The following ABCB11 variants were observed in gnomAD, a reference collection of about 807,000 sequenced individuals.
The protein encoded by ABCB11 is bile salt export pump.
A neutral mutation model predicts 148.0 loss-of-function variants in ABCB11; 95 were observed. That is an observed-to-expected ratio of 0.64 (90% CI 0.54 to 0.76). ABCB11 has a LOEUF of 0.76. ABCB11 is among the 30% of genes least tolerant of loss of function. The pLI is 0.00. For synonymous variants in ABCB11, 591 were observed against 555.4 expected (o/e 1.06, Z -0.90); for missense variants, 1,523 against 1,617.8 (o/e 0.94, Z 1.01).
chr2:168,942,644 T>G (rs1448377417), intron 21 of ABCB11, among the ~76,000 whole-genome samples: 3 of 151,890 alleles, frequency 2.0e-5, no homozygotes, highest in Non-Finnish European at 4.4e-5. Context: ...GGATAAGTGC[T>G]TGAGGGAATG....
chr2:168,969,922 G>T, intron 15 of ABCB11, 123 bp downstream of exon 15: 1 of 941,462 alleles, frequency 1.1e-6, no homozygotes, highest in Non-Finnish European at 1.7e-6. Flanking sequence ...AATCAGACTA[G>T]ATGCATGAAC....
intron 2 of ABCB11, 78 bp from the exon 3 acceptor site, chr2:169,016,877 T>C: frequency 9.0e-7 from 1 of 1,108,310 alleles, no homozygotes; most frequent in Non-Finnish European, 1.3e-6. Flanking sequence ...AGAAATTTGC[T>C]CTAGAAAAAT....
rs752992432 is a variant in ABCB11, at chr2:168,996,709, C to T, written c.403G>A (p.Glu135Lys). 3.3e-5 allele frequency: 51 copies of T among 1,557,346 alleles called. No individual in the cohort carries two copies. The highest frequency in any genetic ancestry group is 4.2e-5 in the Non-Finnish European group (48 of 1,148,100). ...CTGGCAAATTTGATCATTTCGCTCTCGATGTTCAGCAACCTTCAAAAGAGG... is the reference window on the plus strand; with the variant it reads ...CTGGCAAATTTGATCATTTCGCTCTTGATGTTCAGCAACCTTCAAAAGAGG... The part of the protein sequence containing the change: ...NGTRCGLLNI[E>K]SEMIKFASYY... Residue 135 changes from glutamate to lysine, a missense_variant, in exon 6 of 28, where the codon GAG becomes AAG. By Grantham distance (56) the Glu-to-Lys change is moderately conservative. Coordinates refer to ENST00000650372, the MANE Select transcript of ABCB11 (RefSeq NM_003742.4).
Position 168,944,857 on chromosome 2 carries a change from C to A in ABCB11, c.2448G>T (p.Gln816His). The change falls in exon 20 of 28, where the codon CAG becomes CAT. Residue 816 changes from glutamine (Q) to histidine (H), a missense_variant and splice_region_variant. Coordinates refer to ENST00000650372, the MANE Select transcript of ABCB11 (RefSeq NM_003742.4). ...CTTACTGAAAAATAACATTTCTTACCTGTAGAAATTGGGTGAAAAGAGATA... is the reference window on the plus strand; with the variant it reads ...CTTACTGAAAAATAACATTTCTTACATGTAGAAATTGGGTGAAAAGAGATA... The part of the protein sequence containing the change: ...GCVSLFTQFL[Q>H]GYAFAKSGEL... The A allele has an allele frequency of 6.3e-7, 1 of 1,593,100 alleles. No individual in the cohort carries two copies. The highest frequency in any genetic ancestry group is 2.3e-5 in the East Asian group (1 of 43,878).
chr2:168,939,671 T>C (rs1181070101), intron 21 of ABCB11, among the ~76,000 whole-genome samples: 1 of 151,950 alleles, frequency 6.6e-6, no homozygotes, highest in East Asian at 1.9e-4. Flanking sequence ...ATAAAATGAG[T>C]ATAAATATAA....
intron 8 of ABCB11, among the ~76,000 whole-genome samples, chr2:168,991,835 C>CTTT (rs72146229): frequency 1.6e-5 from 2 of 128,274 alleles, no homozygotes; most frequent in East Asian, 2.2e-4. Flanking sequence ...GAAAGTGAGG[C>CTTT]TTTTTTTTTT....
At chr2:168,952,271 G>A (rs895816042) in intron 19 of ABCB11, among the ~76,000 whole-genome samples, 1 of 151,466 alleles carries the variant, frequency 6.6e-6, no homozygotes, top group Non-Finnish European at 1.5e-5. Context: ...TCCCTCCTCT[G>A]ATTTCTAAAA....
chr2:168,996,687 G>A lies in ABCB11; in HGVS notation c.425C>T (p.Ala142Val), dbSNP rs868630930. 1 of 1,572,000 alleles carries A rather than the reference G, an allele frequency of 6.4e-7. No homozygotes were observed. The highest frequency in any genetic ancestry group is 1.8e-5 in the Admixed American group (1 of 56,130). ...LNIESEMIKF[A>V]SYYAGIAVAV... is the part of the protein sequence containing the mutation. Reference sequence around the variant, plus strand: ...GACAGCAATTCCAGCATAGTAACTGGCAAATTTGATCATTTCGCTCTCGAT... The same window carrying A: ...GACAGCAATTCCAGCATAGTAACTGACAAATTTGATCATTTCGCTCTCGAT... The change falls in exon 6 of 28, where the codon GCC (alanine) becomes GTC (valine). Residue 142 changes from alanine to valine, a missense_variant. Transcript: ENST00000650372.
At chr2:168,925,105 C>A (rs569226738) in intron 26 of ABCB11, among the ~76,000 whole-genome samples, 6 of 152,126 alleles carry the variant, frequency 3.9e-5, no homozygotes, top group Admixed American at 3.9e-4. Context: ...TATATGAGAT[C>A]CTCCTTGATT....
At chr2:168,918,942 A>G (rs180985629), downstream of ABCB11, among the ~76,000 whole-genome samples, 30 of 152,200 alleles carry the variant, frequency 2.0e-4, no homozygotes, top group Admixed American at 9.8e-4. Context: ...ATTTTTTTCA[A>G]TGAAAGATAT....
chr2:169,020,067 C>G (rs911238031), intron 1 of ABCB11, among the ~76,000 whole-genome samples: 1 of 151,992 alleles, frequency 6.6e-6, no homozygotes. Flanking sequence ...CCAAGTATAA[C>G]CTTTTATATT....
At chr2:169,015,195 T>A (rs548468626) in intron 3 of ABCB11, among the ~76,000 whole-genome samples, 1 of 152,020 alleles carries the variant, frequency 6.6e-6, no homozygotes, top group South Asian at 2.1e-4. Context: ...CTCACCATCA[T>A]CCTCAATTAT....
Position 168,964,988 on chromosome 2 carries a change from T to C in ABCB11, c.2076-680A>G, listed in dbSNP as rs144005256. Among the ~76,000 whole-genome samples the C allele has an allele frequency of 6.6e-3, 1,002 of 151,920 alleles. 14 individuals are homozygous for C. Among genetic ancestry groups the C allele is most frequent in the African/African-American group, 0.023 (940 of 41,496 alleles). Reference sequence around the variant, plus strand: ...TAACAGATTTCTCCTTCAAAAAATTTAAACCTTATAGAAGAGGCCTGTACC... The same window carrying C: ...TAACAGATTTCTCCTTCAAAAAATTCAAACCTTATAGAAGAGGCCTGTACC... On this transcript the variant is annotated intron_variant, in intron 17 of 27. Transcript: ENST00000650372.
intron 18 of ABCB11, among the ~76,000 whole-genome samples, chr2:168,961,437 T>G (rs1693072031): frequency 1.3e-5 from 2 of 151,740 alleles, no homozygotes; most frequent in Non-Finnish European, 3.0e-5. Flanking sequence ...GCCATTTTTA[T>G]GGGTCCCATC....
chr2:168,924,293 C>A (rs773019993), intron 27 of ABCB11, among the ~76,000 whole-genome samples: 25 of 152,322 alleles, frequency 1.6e-4, no homozygotes, highest in Middle Eastern at 3.4e-3. Flanking sequence ...GATATCACCT[C>A]TTTCTTTGTG....
intron 25 of ABCB11, 126 bp from the exon 26 acceptor site, chr2:168,927,488 T>A (rs778879384): frequency 2.6e-5 from 19 of 739,792 alleles, no homozygotes; most frequent in Non-Finnish European, 4.0e-5. Context: ...ATCCCAAGGC[T>A]AAAATTATGG....
At chr2:168,964,005 A>G (rs992692747) in intron 18 of ABCB11, among the ~76,000 whole-genome samples, 60 of 151,982 alleles carry the variant, frequency 3.9e-4, no homozygotes, top group African/African-American at 1.3e-3. Context: ...ATTCTTAAAA[A>G]TAATCAATTA....
chr2:168,977,804 A>T (rs1300316555), intron 11 of ABCB11, among the ~76,000 whole-genome samples: 1 of 152,156 alleles, frequency 6.6e-6, no homozygotes, highest in Non-Finnish European at 1.5e-5. Flanking sequence ...TAAAACCGTC[A>T]GATCTCATGA....
At chr2:168,974,160 T>C (rs780611813) in intron 12 of ABCB11, among the ~76,000 whole-genome samples, 23 of 151,936 alleles carry the variant, frequency 1.5e-4, no homozygotes, top group Non-Finnish European at 2.6e-4. Flanking sequence ...TGATTTAAAA[T>C]ACTCCTGACA....
Sources: gnomAD v4.1 joint callset for allele counts (sites outside exome capture counted in the v4.1 genomes callset) on GRCh38, gnomAD v4.1.1 for gene constraint, MANE v1.5 for transcripts, NCBI Gene and HGNC (gene_info 2026-07-23, HGNC 2026-07-21) for gene names.